Variants in TAOK3 observed in about 807,000 individuals in gnomAD.
The protein encoded by TAOK3 is serine/threonine-protein kinase TAO3.
A neutral mutation model predicts 120.4 loss-of-function variants in TAOK3; 40 were observed. That is an observed-to-expected ratio of 0.33 (90% CI 0.26 to 0.43). The LOEUF (loss-of-function observed/expected upper bound fraction) is 0.43. Ranked by LOEUF, TAOK3 falls within the 20% of genes least tolerant of loss-of-function variation. The pLI is 1.00. For synonymous variants in TAOK3, 355 were observed against 387.5 expected (o/e 0.92, Z 0.99); for missense variants, 821 against 1,112.1 (o/e 0.74, Z 3.72).
intron 1 of TAOK3, among the ~76,000 whole-genome samples, chr12:118,336,581 GA>G (rs531962450): frequency 2.0e-3 from 304 of 150,144 alleles, no homozygotes; most frequent in Middle Eastern, 3.4e-3. Context: ...CTCAGGGAAA[GA>G]AAAAAAAATC....
At chr12:118,154,861 TCCC>T (rs1229141088) in intron 19 of TAOK3, among the ~76,000 whole-genome samples, 2 of 152,048 alleles carry the variant, frequency 1.3e-5, no homozygotes, top group Non-Finnish European at 2.9e-5. Context: ...CGCACAGGAT[TCCC>T]CCCAAGATGG....
At chr12:118,195,776 C>T (rs896548528) in intron 13 of TAOK3, among the ~76,000 whole-genome samples, 2 of 152,146 alleles carry the variant, frequency 1.3e-5, no homozygotes, top group South Asian at 2.1e-4. Context: ...TTGGGCCAGT[C>T]GCAGTGCCTC....
At chr12:118,247,956 A>G (rs565730304) in intron 3 of TAOK3, among the ~76,000 whole-genome samples, 85 of 152,318 alleles carry the variant, frequency 5.6e-4, no homozygotes, top group Admixed American at 3.3e-3. Context: ...CATTATTATC[A>G]TTGTGGACCA....
Position 118,150,742 on chromosome 12 carries a change from A to G in TAOK3, c.*255T>C. 2 of 419,328 alleles carry G rather than the reference A, an allele frequency of 4.8e-6. No individual in the cohort carries two copies. Among genetic ancestry groups the G allele is most frequent in the Non-Finnish European group, 8.5e-6 (2 of 236,434 alleles). 26.0% of individuals were successfully genotyped at this position (419,328 alleles called of 1,614,324 possible). A position where few individuals can be genotyped will look rare whatever the true frequency, so the allele number is the denominator to read the frequency against. ...CACTGAAACATTTTGAATCACATCA[A>G]TACTGTGACGTGTACTGTGAATAGA... On this transcript the variant is annotated 3_prime_UTR_variant, in exon 21 of 21. Transcript: ENST00000392533.
intron 9 of TAOK3, among the ~76,000 whole-genome samples, chr12:118,224,250 T>G (rs1194064338): frequency 6.6e-6 from 1 of 152,226 alleles, no homozygotes; most frequent in Non-Finnish European, 1.5e-5. Context: ...ATCTCTTCAA[T>G]AACTCTGTAC....
At chr12:118,223,680 G>A (rs527728794) in intron 9 of TAOK3, among the ~76,000 whole-genome samples, 1 of 135,998 alleles carries the variant, frequency 7.4e-6, no homozygotes, top group Non-Finnish European at 1.5e-5. Context: ...GTCTCTCTTT[G>A]TCTCCCAGGC....
At chr12:118,306,704 T>C (rs1261540176) in intron 1 of TAOK3, among the ~76,000 whole-genome samples, 1 of 152,196 alleles carries the variant, frequency 6.6e-6, no homozygotes, top group African/African-American at 2.4e-5. Flanking sequence ...TAAGCCACAA[T>C]GGTAGGTTCC....
intron 1 of TAOK3, among the ~76,000 whole-genome samples, chr12:118,347,021 C>T (rs1169303316): frequency 6.6e-6 from 1 of 151,984 alleles, no homozygotes; most frequent in Non-Finnish European, 1.5e-5. Flanking sequence ...TTTTTTTAGA[C>T]CAGGTCTCGC....
At position 118,371,563 on chromosome 12, in the gene TAOK3, C is replaced by T. The variant is rs1452301707; in HGVS notation, c.-194+1085G>A. On this transcript the variant is annotated intron_variant, in intron 1 of 20. Transcript: ENST00000392533. This position sits in a 1 kb window ranked among gnomAD's most constrained non-coding sequence, Gnocchi z 5.5. ...GAGTCCCGGGGGCTCACACTCCACC[C>T]TCAGGGAGGTCGCTGATGCCAGACC... Among the ~76,000 whole-genome samples the T allele has an allele frequency of 2.0e-5, 3 of 152,222 alleles. No individual in the cohort carries two copies. The East Asian group carries it at 5.8e-4, about 30-fold the overall frequency.
chr12:118,246,285 C>T (rs1420513557), intron 3 of TAOK3: 3 of 1,553,226 alleles, frequency 1.9e-6, no homozygotes, highest in Admixed American at 1.7e-5. Flanking sequence ...CAAGTTGGGC[C>T]GCTTGGTCAA....
intron 1 of TAOK3, among the ~76,000 whole-genome samples, chr12:118,326,541 A>C (rs1176468152): frequency 6.6e-6 from 1 of 152,214 alleles, no homozygotes; most frequent in Non-Finnish European, 1.5e-5. Flanking sequence ...CTCTGAATTA[A>C]AAACTATCAA....
At chr12:118,159,198 T>C (rs1295458584) in intron 19 of TAOK3, among the ~76,000 whole-genome samples, 1 of 152,190 alleles carries the variant, frequency 6.6e-6, no homozygotes, top group East Asian at 1.9e-4. Flanking sequence ...TCGGTTTATG[T>C]CAATGAATTC....
At chr12:118,202,170 T>C (rs2038057285) in intron 11 of TAOK3, among the ~76,000 whole-genome samples, 3 of 148,776 alleles carry the variant, frequency 2.0e-5, no homozygotes. Context: ...AACAAATATA[T>C]AATAAATATA....
chr12:118,279,410 A>G (rs2042013834), intron 1 of TAOK3, among the ~76,000 whole-genome samples: 1 of 151,518 alleles, frequency 6.6e-6, no homozygotes. Flanking sequence ...GTTGTACAGA[A>G]GCTCTTTAAT....
rs540843634 is a variant in TAOK3, at chr12:118,283,279, G to A, written c.-193-16520C>T. 3.5e-3 allele frequency among the ~76,000 whole-genome samples: 533 copies of A among 152,300 alleles called. 4 individuals are homozygous for A. The highest frequency in any genetic ancestry group is 0.013 in the African/African-American group (522 of 41,556). On this transcript the variant is annotated intron_variant, in intron 1 of 20. Coordinates refer to ENST00000392533, the MANE Select transcript of TAOK3 (RefSeq NM_016281.4). ...ACATAAAATATGTATACAGATATGT[G>A]TTCACCAGAAACTCATTACCTAGAA...
chr12:118,234,209 GA>G lies in TAOK3; in HGVS notation c.552-445del, dbSNP rs1336315572. Among the ~76,000 whole-genome samples, 50 of 99,586 alleles carry G rather than the reference GA, an allele frequency of 5.0e-4. 1 individual carries two copies. Among genetic ancestry groups the G allele is most frequent in the African/African-American group, 1.2e-3 (35 of 29,658 alleles). 65.3% of individuals were successfully genotyped at this position (99,586 alleles called of 152,430 possible). A position where few individuals can be genotyped will look rare whatever the true frequency, so the allele number is the denominator to read the frequency against. ...TGTTTAAAGTAATTAAATAAAGCAG[GA>G]AATTTTTTTTTTTTTTTTTTTTTTT... On this transcript the variant is annotated intron_variant, in intron 8 of 20. Transcript: ENST00000392533.
At chr12:118,359,818 G>T (rs2045530121) in intron 1 of TAOK3, 1 of 152,142 alleles carries the variant, frequency 6.6e-6, no homozygotes, top group African/African-American at 2.4e-5. Context: ...ATTGGCACAA[G>T]CAATGCTAGG....
At chr12:118,247,988 T>A (rs1421478626) in intron 3 of TAOK3, among the ~76,000 whole-genome samples, 2 of 152,206 alleles carry the variant, frequency 1.3e-5, no homozygotes, top group African/African-American at 4.8e-5. Context: ...GCAGTGGTTC[T>A]GAAGTAAAAG....
intron 9 of TAOK3, among the ~76,000 whole-genome samples, chr12:118,217,839 A>ACACTTTTTTTTTTTTTT (rs2039005677): frequency 9.4e-6 from 1 of 106,234 alleles, no homozygotes; most frequent in Admixed American, 1.1e-4. Flanking sequence ...ATATATATAT[A>ACACTTTTTTTTTTTTTT]TATATATATA....
Sources: gnomAD v4.1 joint callset for allele counts (sites outside exome capture counted in the v4.1 genomes callset) on GRCh38, gnomAD v4.1.1 for gene constraint, Gnocchi (gnomAD v3.1) non-coding constraint, MANE v1.5 for transcripts, NCBI Gene and HGNC (gene_info 2026-07-23, HGNC 2026-07-21) for gene names.